SYNE1: variants seen among roughly 807,000 people sequenced by gnomAD.
SYNE1 encodes nesprin-1.
A neutral mutation model predicts 1,111.0 loss-of-function variants in SYNE1; 616 were observed. That is an observed-to-expected ratio of 0.55 (90% CI 0.52 to 0.59). SYNE1 has a LOEUF of 0.59. Among genes scored for constraint, SYNE1 ranks in the 20% least tolerant of loss-of-function variants. SYNE1 has a pLI of 0.00. For missense variants in SYNE1, 10,006 were observed against 10,417.0 expected (o/e 0.96, Z 1.72); for synonymous variants, 3,855 against 3,825.8 (o/e 1.01, Z -0.28).
chr6:152,582,148 C>T (rs1022295871), intron 3 of SYNE1, among the ~76,000 whole-genome samples: 3 of 152,100 alleles, frequency 2.0e-5, no homozygotes, highest in Admixed American at 2.0e-4. Context: ...GGACTTCCCA[C>T]CAGCTGCCTG....
At chr6:152,311,515 G>A (rs1450416692) in intron 87 of SYNE1, among the ~76,000 whole-genome samples, 1 of 152,184 alleles carries the variant, frequency 6.6e-6, no homozygotes, top group Non-Finnish European at 1.5e-5. Context: ...AAAGTAGAAC[G>A]AAAGAGAAGC....
At chr6:152,375,671 C>G (rs1034163834) in intron 58 of SYNE1, among the ~76,000 whole-genome samples, 1 of 152,160 alleles carries the variant, frequency 6.6e-6, no homozygotes, top group Non-Finnish European at 1.5e-5. Context: ...GCTCTGTGAC[C>G]TCACTGACGC....
chr6:152,152,050 G>A lies in SYNE1; in HGVS notation c.24221C>T (p.Ser8074Leu), dbSNP rs1586296730. 1.9e-6 allele frequency: 3 copies of A among 1,614,200 alleles called. No homozygotes were observed. Among genetic ancestry groups the A allele is most frequent in the African/African-American group, 1.3e-5 (1 of 75,060 alleles). Residue 8074 changes from serine (S) to leucine (L), a missense_variant, in exon 134 of 146, where the codon TCA (serine) becomes TTA (leucine). This residue lies in a region of SYNE1 where 2,182 missense variants were observed against 2,287.8 expected (regional missense o/e 0.95). Coordinates refer to ENST00000367255, the MANE Select transcript of SYNE1 (RefSeq NM_182961.4). ...RRLARENRTD[S>L]ACSLKQMVHE... ...AACCATCTGTTTGAGGCTACATGCT[G>A]AATCAGTGCGGTTCTCCCTGGCCAG...
At chr6:152,372,409 C>T (rs1344105995) in intron 59 of SYNE1, among the ~76,000 whole-genome samples, 1 of 152,076 alleles carries the variant, frequency 6.6e-6, no homozygotes, top group Non-Finnish European at 1.5e-5. Flanking sequence ...ATCTATTCTG[C>T]CAAAAAGTGT....
intron 40 of SYNE1, among the ~76,000 whole-genome samples, chr6:152,417,682 T>C (rs1457158310): frequency 6.6e-6 from 1 of 152,186 alleles, no homozygotes; most frequent in African/African-American, 2.4e-5. Context: ...TGCATATATG[T>C]ATACATTTAT....
In SYNE1 at chr6:152,484,857, G is replaced by C. The variant is rs1472073554; in HGVS notation, c.1163C>G (p.Ser388Cys). ...TACCCTGGAGGTCACTCTATCCCAA[G>C]ATTGTTTTACCAATGCTTGGTCAAG... ...LSLDQALVKQSWDRVTSRLFD... is the reference protein window; with the variant it reads ...LSLDQALVKQCWDRVTSRLFD... Residue 388 changes from serine to cysteine, a missense_variant, in exon 13 of 146, where the codon TCT (serine) becomes TGT (cysteine). Physicochemically the swap from Ser to Cys is moderately radical, Grantham distance 112. This residue lies in a region of SYNE1 where 1,971 missense variants were observed against 2,084.1 expected (regional missense o/e 0.95). Coordinates refer to ENST00000367255, the MANE Select transcript of SYNE1 (RefSeq NM_182961.4). 1.1e-5 allele frequency: 17 copies of C among 1,613,844 alleles called. No homozygotes were observed. The highest frequency in any genetic ancestry group is 1.4e-5 in the Non-Finnish European group (17 of 1,179,970).
chr6:152,140,836 A>C (rs1260918018), intron 139 of SYNE1, among the ~76,000 whole-genome samples: 1 of 151,880 alleles, frequency 6.6e-6, no homozygotes, highest in Non-Finnish European at 1.5e-5. Context: ...GATGGAGACC[A>C]TCCTGGCTAA....
At chr6:152,262,291 AT>A in intron 100 of SYNE1, 103 bp from the exon 101 acceptor site, 1 of 1,073,388 alleles carries the variant, frequency 9.3e-7, no homozygotes. Flanking sequence ...ATGAAATAAG[AT>A]TACCTTAGTT....
chr6:152,620,775 C>A (rs2099673705), intron 3 of SYNE1, among the ~76,000 whole-genome samples: 1 of 152,140 alleles, frequency 6.6e-6, no homozygotes, highest in Non-Finnish European at 1.5e-5. Context: ...ATAATATTAA[C>A]TATTTATATT....
chr6:152,444,675 G>T, intron 29 of SYNE1, 97 bp from the exon 30 acceptor site: 1 of 1,131,372 alleles, frequency 8.8e-7, no homozygotes, highest in Non-Finnish European at 1.3e-6. Flanking sequence ...AATAAACATT[G>T]TACATATTTA....
At chr6:152,508,389 A>G (rs1000150187) in intron 8 of SYNE1, among the ~76,000 whole-genome samples, 2 of 152,214 alleles carry the variant, frequency 1.3e-5, no homozygotes, top group African/African-American at 4.8e-5. Flanking sequence ...TTACCAACAT[A>G]TAAGTTGTAG....
rs1590921430 is a variant in SYNE1 at position 152,354,773 on chromosome 6, C to T, written c.10812G>A (p.Glu3604=). 5 of 1,614,208 alleles carry T rather than the reference C, an allele frequency of 3.1e-6. No individual in the cohort carries two copies. Among genetic ancestry groups the T allele is most frequent in the Non-Finnish European group, 4.2e-6 (5 of 1,180,042 alleles). Residue 3604 remains glutamate, a synonymous_variant, in exon 67 of 146, where the codon GAG becomes GAA. Transcript: ENST00000367255. ...NNVVNKLRLM[E]QKFQQVDEWL... is the part of the protein sequence containing the mutation. ...ATTCATCTACTTGCTGAAACTTTTG[C>T]TCCATTAGCCTCAATTTGTTCACCA...
chr6:152,172,788 T>A (rs752867536), intron 130 of SYNE1, among the ~76,000 whole-genome samples: 5 of 152,178 alleles, frequency 3.3e-5, no homozygotes, highest in African/African-American at 7.2e-5. Flanking sequence ...TCAGAGGTAC[T>A]TTAATTATCT....
intron 3 of SYNE1, among the ~76,000 whole-genome samples, chr6:152,587,653 C>T (rs1394217808): frequency 6.6e-6 from 1 of 152,142 alleles, no homozygotes; most frequent in Admixed American, 6.5e-5. Flanking sequence ...TCTTCTCTTT[C>T]CCCTTCCCAC....
intron 3 of SYNE1, among the ~76,000 whole-genome samples, chr6:152,571,722 A>G (rs932054880): frequency 2.4e-4 from 36 of 152,166 alleles, no homozygotes; most frequent in African/African-American, 7.5e-4. Flanking sequence ...CTGTATCTGT[A>G]TTGGGTCAAT....
In SYNE1 at chr6:152,140,079, C is replaced by A. The variant is rs2058214412; in HGVS notation, c.25329G>T (p.Gln8443His). The A allele has an allele frequency of 6.2e-7, 1 of 1,614,102 alleles. No individual in the cohort carries two copies. Among genetic ancestry groups the A allele is most frequent in the South Asian group, 1.1e-5 (1 of 91,088 alleles). The stretch of plus-strand genomic sequence containing the variant: ...TGCTGTTCAAGTCTGAGTTAAACTG[C>A]TGCCACTTCTGGAGGTTCTGCTTCA... ...LRMKQNLQKW[Q>H]QFNSDLNSIW... Residue 8443 changes from glutamine (Q) to histidine (H), a missense_variant, in exon 140 of 146, where the codon CAG becomes CAT. Around this residue, in one of 7 missense-constraint regions of SYNE1, gnomAD observed 761 missense variants for 795.5 expected, o/e 0.96. Coordinates refer to ENST00000367255, the MANE Select transcript of SYNE1 (RefSeq NM_182961.4).
intron 78 of SYNE1, among the ~76,000 whole-genome samples, chr6:152,328,709 G>A (rs2096159614): frequency 1.3e-5 from 2 of 152,108 alleles, no homozygotes; most frequent in Admixed American, 1.3e-4. Context: ...ACCGCGCCCA[G>A]CCCTCTTCTT....
intron 126 of SYNE1, among the ~76,000 whole-genome samples, chr6:152,203,705 T>G (rs1208124910): frequency 2.0e-5 from 3 of 152,194 alleles, no homozygotes; most frequent in Non-Finnish European, 1.5e-5. Flanking sequence ...TTGACTAAAG[T>G]GCCCCCTTAC....
In SYNE1 at chr6:152,155,907, C is replaced by T; in HGVS notation, c.23978+3G>A. On this transcript the variant is annotated splice_donor_region_variant and intron_variant, in intron 132 of 145. Transcript: ENST00000367255. ...CCCTATCTGTTTCAGCATCCCAGCTCACTTCAGCCTCCTTTCCATGGACAT... is the reference window on the plus strand; with the variant it reads ...CCCTATCTGTTTCAGCATCCCAGCTTACTTCAGCCTCCTTTCCATGGACAT... 6.2e-7 allele frequency: 1 copy of T among 1,613,906 alleles called. No individual in the cohort carries two copies. Among genetic ancestry groups the T allele is most frequent in the Non-Finnish European group, 8.5e-7 (1 of 1,179,970 alleles).
Sources: allele counts gnomAD v4.1 joint callset (sites outside exome capture counted in the v4.1 genomes callset), GRCh38; gene constraint gnomAD v4.1.1; regional missense constraint gnomAD v4.1.1; transcripts MANE v1.5; gene names NCBI Gene and HGNC (gene_info 2026-07-23, HGNC 2026-07-21).